Variants in REXO2 observed in about 807,000 individuals in gnomAD.
REXO2 encodes oligoribonuclease, mitochondrial.
A neutral mutation model predicts 30.9 loss-of-function variants in REXO2; 17 were observed. The ratio of observed to expected loss-of-function variants is 0.55; its 90% CI spans 0.38 to 0.82. The LOEUF is 0.82. Among genes scored for constraint, REXO2 ranks in the 40% least tolerant of loss-of-function variants. REXO2 has a pLI of 0.00. For missense variants in REXO2, 253 were observed against 293.2 expected (o/e 0.86, Z 1.00); for synonymous variants, 105 against 99.6 (o/e 1.05, Z -0.32).
Position 114,439,625 on chromosome 11 carries a change from A to G in REXO2, c.97A>G (p.Met33Val). The G allele has an allele frequency of 1.2e-6, 2 of 1,602,612 alleles. No individual in the cohort carries two copies. Among genetic ancestry groups the G allele is most frequent in the Non-Finnish European group, 1.7e-6 (2 of 1,176,040 alleles). The change falls in exon 1 of 7, where the codon ATG becomes GTG. Residue 33 changes from methionine to valine, a missense_variant. Transcript: ENST00000265881. ...AGGTGTCCGCGAAGGTGGCGCAGCCATGGCGGCAGGGGAGAGCATGGCTCA... is the reference window on the plus strand; with the variant it reads ...AGGTGTCCGCGAAGGTGGCGCAGCCGTGGCGGCAGGGGAGAGCATGGCTCA... ...ARGVREGGAAMAAGESMAQRM... is the reference protein window; with the variant it reads ...ARGVREGGAAVAAGESMAQRM...
chr11:114,441,253 T>G (rs1355998057), intron 2 of REXO2, among the ~76,000 whole-genome samples: 11 of 152,246 alleles, frequency 7.2e-5, no homozygotes, highest in Non-Finnish European at 1.6e-4. Context: ...ATTTGGTGAC[T>G]CGTGCCAATG....
intron 1 of REXO2, 38 bp downstream of exon 1, chr11:114,439,713 A>T: frequency 2.1e-6 from 3 of 1,443,728 alleles, no homozygotes; most frequent in Non-Finnish European, 2.7e-6. Flanking sequence ...GAGGCGAGTG[A>T]GGTTTCGCTC....
At position 114,439,763 on chromosome 11, in the gene REXO2, G is replaced by A; in HGVS notation, c.147+88G>A. ...TCGAGCCCGTCCTGGGAGAGCGTTG[G>A]GGGTCTGGGTCTCAGGTGTGGCAGG... On this transcript the variant is annotated intron_variant, in intron 1 of 6. Transcript: ENST00000265881. 9 of 1,404,922 alleles carry A rather than the reference G, an allele frequency of 6.4e-6. No homozygotes were observed. The South Asian group carries it at 1.0e-4, about 16-fold the overall frequency. 87.0% of individuals were successfully genotyped at this position (1,404,922 alleles called of 1,614,324 possible).
chr11:114,449,548 A>C (rs377244108), intron 6 of REXO2, among the ~76,000 whole-genome samples: 17 of 152,262 alleles, frequency 1.1e-4, no homozygotes, highest in Admixed American at 9.2e-4. Context: ...TAGTTTTTCT[A>C]AACTTATTTG....
chr11:114,447,660 T>A (rs544327212), intron 5 of REXO2, among the ~76,000 whole-genome samples, 166 bp from the exon 6 acceptor site: 1 of 151,714 alleles, frequency 6.6e-6, no homozygotes, highest in African/African-American at 2.4e-5. Context: ...AGAAAATATA[T>A]AGAAGAAAGA....
chr11:114,441,419 G>T (rs997628707), intron 2 of REXO2, among the ~76,000 whole-genome samples: 9 of 152,150 alleles, frequency 5.9e-5, no homozygotes, highest in African/African-American at 2.2e-4. Context: ...GACAGATTGG[G>T]CATGATTAAG....
intron 2 of REXO2, among the ~76,000 whole-genome samples, chr11:114,442,739 G>A (rs934792055): frequency 6.6e-6 from 1 of 152,166 alleles, no homozygotes; most frequent in Non-Finnish European, 1.5e-5. Flanking sequence ...AGAGGGAGAA[G>A]CTGAGGTGAC....
At chr11:114,440,064 G>A in intron 1 of REXO2, 5 of 479,480 alleles carry the variant, frequency 1.0e-5, no homozygotes, top group Non-Finnish European at 2.0e-5. Context: ...GGGCCAGACG[G>A]GACTCCGGAG....
chr11:114,445,282 C>T (rs553633179), intron 4 of REXO2: 2 of 152,270 alleles, frequency 1.3e-5, no homozygotes, highest in East Asian at 1.9e-4. Context: ...TCTAAAGAGA[C>T]CAGGCCTGTT....
intron 6 of REXO2, chr11:114,449,314 G>C (rs577976): frequency 0.59 from 90,427 of 152,146 alleles, 28,161 homozygotes; most frequent in African/African-American, 0.79. Context: ...CTGTTTTGTT[G>C]AGGGACATCA....
intron 5 of REXO2, among the ~76,000 whole-genome samples, chr11:114,446,975 G>T (rs2134787048): frequency 1.7e-5 from 2 of 117,558 alleles, no homozygotes. Context: ...GTCTCGTTCT[G>T]TCGCCCAGGC....
chr11:114,443,920 A>G lies in REXO2; in HGVS notation c.296A>G (p.Glu99Gly). The G allele has an allele frequency of 1.2e-6, 2 of 1,607,706 alleles. No individual in the cohort carries two copies. The highest frequency in any genetic ancestry group is 1.3e-5 in the African/African-American group (1 of 74,950). ...LLDSMSDWCKEHHGKSGLTKA... is the reference protein window; with the variant it reads ...LLDSMSDWCKGHHGKSGLTKA... ...GACAGCATGTCAGATTGGTGTAAGGAGCATCACGGGAAGGTAACATTACCA... is the reference window on the plus strand; with the variant it reads ...GACAGCATGTCAGATTGGTGTAAGGGGCATCACGGGAAGGTAACATTACCA... The change falls in exon 3 of 7, where the codon GAG becomes GGG. Residue 99 changes from glutamate (E) to glycine (G), a missense_variant. By Grantham distance (98) the Glu-to-Gly change is moderately conservative. Transcript: ENST00000265881.
At chr11:114,440,095 A>G (rs773253812) in intron 1 of REXO2, 8 of 470,662 alleles carry the variant, frequency 1.7e-5, no homozygotes, top group South Asian at 9.3e-5. Context: ...CTTACCCCTC[A>G]TTCCATAAGT....
In REXO2 at chr11:114,450,023, G is replaced by T; in HGVS notation, c.*48G>T. The T allele has an allele frequency of 6.5e-7, 1 of 1,537,246 alleles. No individual in the cohort carries two copies. Among genetic ancestry groups the T allele is most frequent in the Non-Finnish European group, 8.7e-7 (1 of 1,145,716 alleles). ...ACATCGTTATCTGGAGGCAACTTCT[G>T]GTGGTTTTTTTTTCTCACGCTGATG... On this transcript the variant is annotated 3_prime_UTR_variant, in exon 7 of 7. Coordinates refer to ENST00000265881, the MANE Select transcript of REXO2 (RefSeq NM_015523.4).
Position 114,450,114 on chromosome 11 carries a change from A to G in REXO2, c.*139A>G, listed in dbSNP as rs879052658. On this transcript the variant is annotated 3_prime_UTR_variant, in exon 7 of 7. Coordinates refer to ENST00000265881, the MANE Select transcript of REXO2 (RefSeq NM_015523.4). Reference sequence around the variant, plus strand: ...GATTACTCAAGCAGACAGCACACGAAATACTATTTTTCTCCTAATATGCTG... The same window carrying G: ...GATTACTCAAGCAGACAGCACACGAGATACTATTTTTCTCCTAATATGCTG... The G allele has an allele frequency of 2.5e-6, 2 of 796,364 alleles. No homozygotes were observed. The allele number at this position is 796,364 out of a possible 1,614,324, so 49.3% of individuals were successfully genotyped here.
At chr11:114,447,954 A>G (rs1447869198) in intron 6 of REXO2, 75 bp downstream of exon 6, 4 of 1,117,738 alleles carry the variant, frequency 3.6e-6, no homozygotes, top group Non-Finnish European at 5.4e-6. Flanking sequence ...GCTTGAAATA[A>G]TGTCCCTTAA....
At chr11:114,447,728 A>C (rs1462507532) in intron 5 of REXO2, 98 bp from the exon 6 acceptor site, 1 of 989,260 alleles carries the variant, frequency 1.0e-6, no homozygotes, top group Non-Finnish European at 1.5e-6. Context: ...ATCATGACTC[A>C]AATGCCATTT....
In REXO2 at chr11:114,442,159, T is replaced by TAA. The variant is rs56827315; in HGVS notation, c.231+1434_231+1435dup. Among the ~76,000 whole-genome samples, 15 of 134,748 alleles carry TAA rather than the reference T, an allele frequency of 1.1e-4. No individual in the cohort carries two copies. The East Asian group carries it at 1.3e-3, about 12-fold the overall frequency. The allele number at this position is 134,748 out of a possible 152,430, so 88.4% of individuals were successfully genotyped here. On this transcript the variant is annotated intron_variant, in intron 2 of 6. Coordinates refer to ENST00000265881, the MANE Select transcript of REXO2 (RefSeq NM_015523.4). ...CTAAGTCAGATGAGGATAAAGATGTTAAAAAAAAAAAAAAAGCTTAGGGGC... is the reference window on the plus strand; with the variant it reads ...CTAAGTCAGATGAGGATAAAGATGTTAAAAAAAAAAAAAAAAAGCTTAGGGGC...
chr11:114,444,056 C>A, intron 3 of REXO2, 123 bp downstream of exon 3: 1 of 753,402 alleles, frequency 1.3e-6, no homozygotes, highest in African/African-American at 1.7e-5. Context: ...GATTGCATGG[C>A]AAGCCTGGGA....
Sources: allele counts gnomAD v4.1 joint callset (sites outside exome capture counted in the v4.1 genomes callset), GRCh38; gene constraint gnomAD v4.1.1; transcripts MANE v1.5; gene names NCBI Gene and HGNC (gene_info 2026-07-23, HGNC 2026-07-21).